Variants in ZMAT4 observed in about 807,000 individuals in gnomAD.
ZMAT4 encodes zinc finger matrin-type 4.
In ZMAT4, 17 loss-of-function variants were observed where a neutral mutation model predicts 28.7. That is an observed-to-expected ratio of 0.59 (90% CI 0.41 to 0.89). The LOEUF (loss-of-function observed/expected upper bound fraction) is 0.89. Ranked by LOEUF, ZMAT4 falls within the 40% of genes least tolerant of loss-of-function variation. The pLI, the probability that ZMAT4 is intolerant of heterozygous loss-of-function variation, is 0.00. For synonymous variants in ZMAT4, 117 were observed against 109.2 expected, an observed-to-expected ratio of 1.07 and a Z score of -0.44; for missense variants, 240 against 283.8, an observed-to-expected ratio of 0.85 and a Z score of 1.11.
chr8:40,560,564 G>A (rs1803703553), intron 6 of ZMAT4, among the ~76,000 whole-genome samples: 1 of 151,870 alleles, frequency 6.6e-6, no homozygotes, highest in African/African-American at 2.4e-5. Flanking sequence ...GGAGTCACTT[G>A]TGTCTTGTGT....
intron 5 of ZMAT4, among the ~76,000 whole-genome samples, chr8:40,643,349 C>T (rs1807139457): frequency 1.3e-5 from 2 of 152,312 alleles, no homozygotes; most frequent in South Asian, 4.1e-4. Flanking sequence ...CTGAAGCATG[C>T]TTTGCCTACA....
chr8:40,698,806 T>C (rs1163385574), intron 3 of ZMAT4, among the ~76,000 whole-genome samples: 15 of 152,082 alleles, frequency 9.9e-5, no homozygotes, highest in Admixed American at 9.8e-4. Context: ...AGCAGGAGGC[T>C]TGCCTGAAGT....
Position 40,800,946 on chromosome 8 carries a change from G to A in ZMAT4, c.102+24629C>T, listed in dbSNP as rs116483883. Among the ~76,000 whole-genome samples, 1,027 of 151,836 alleles carry A rather than the reference G, an allele frequency of 6.8e-3. 15 individuals are homozygous for A. Among genetic ancestry groups the A allele is most frequent in the African/African-American group, 0.023 (959 of 41,444 alleles). ...TATCACAACCAAATGCTCATTCTTCGAAAACATGAATAAAATCAATAAGCC... is the reference window on the plus strand; with the variant it reads ...TATCACAACCAAATGCTCATTCTTCAAAAACATGAATAAAATCAATAAGCC... On this transcript the variant is annotated intron_variant, in intron 2 of 6. Transcript: ENST00000297737.
intron 3 of ZMAT4, among the ~76,000 whole-genome samples, chr8:40,761,174 CA>C (rs1291003921): frequency 6.6e-6 from 1 of 152,048 alleles, no homozygotes; most frequent in East Asian, 1.9e-4. Context: ...CTATCTTGGC[CA>C]AATGTGTGTA....
chr8:40,892,272 T>TGCTCCCATGTCTCTCTTCTCATC (rs1008667844), intron 1 of ZMAT4, among the ~76,000 whole-genome samples: 1 of 152,200 alleles, frequency 6.6e-6, no homozygotes, highest in Non-Finnish European at 1.5e-5. Context: ...AGTATCTCAT[T>TGCTCCCATGTCTCTCTTCTCATC]GCTCCCATGT....
At chr8:40,552,866 T>C (rs1337279638) in intron 6 of ZMAT4, among the ~76,000 whole-genome samples, 1 of 152,158 alleles carries the variant, frequency 6.6e-6, no homozygotes, top group Non-Finnish European at 1.5e-5. Flanking sequence ...CCACCTCCCG[T>C]CGCTGTGGCT....
At chr8:40,644,753 G>A (rs1160878505) in intron 5 of ZMAT4, among the ~76,000 whole-genome samples, 1 of 152,086 alleles carries the variant, frequency 6.6e-6, no homozygotes, top group African/African-American at 2.4e-5. Flanking sequence ...ATGATCAACA[G>A]CCAGGTGACC....
chr8:40,715,965 A>G (rs1810836109), intron 3 of ZMAT4, among the ~76,000 whole-genome samples: 1 of 152,236 alleles, frequency 6.6e-6, no homozygotes, highest in Non-Finnish European at 1.5e-5. Context: ...TGGTTTTATA[A>G]CTTTATCACC....
intron 5 of ZMAT4, among the ~76,000 whole-genome samples, chr8:40,624,948 A>G (rs1585775507): frequency 6.6e-6 from 1 of 152,322 alleles, no homozygotes; most frequent in East Asian, 1.9e-4. Context: ...ATACTGGATA[A>G]TTTCAAATAA....
chr8:40,583,418 C>T (rs951156641), intron 5 of ZMAT4, among the ~76,000 whole-genome samples: 16 of 152,074 alleles, frequency 1.1e-4, no homozygotes, highest in African/African-American at 3.6e-4. Context: ...AAAGGGCTGC[C>T]TGAAGTTGAG....
chr8:40,577,237 T>C (rs2118530077), intron 6 of ZMAT4, among the ~76,000 whole-genome samples: 1 of 152,246 alleles, frequency 6.6e-6, no homozygotes, highest in South Asian at 2.1e-4. Context: ...ATTTCTGTTG[T>C]AGCAGTATTC....
intron 2 of ZMAT4, among the ~76,000 whole-genome samples, chr8:40,781,145 A>C (rs1200149589): frequency 6.6e-6 from 1 of 152,246 alleles, no homozygotes; most frequent in Non-Finnish European, 1.5e-5. Context: ...GATCCACCAA[A>C]AATTACAATT....
intron 5 of ZMAT4, among the ~76,000 whole-genome samples, chr8:40,631,420 G>C (rs1294354406): frequency 2.6e-5 from 4 of 152,134 alleles, no homozygotes; most frequent in Non-Finnish European, 4.4e-5. Flanking sequence ...GGCCTCCCAA[G>C]GTGCTGGGAT....
intron 5 of ZMAT4, among the ~76,000 whole-genome samples, chr8:40,609,542 A>G (rs1585753180): frequency 6.6e-6 from 1 of 152,284 alleles, no homozygotes; most frequent in East Asian, 1.9e-4. Flanking sequence ...CTCCCTTTCA[A>G]TAAGAATTTA....
chr8:40,550,971 A>G (rs1803352097), intron 6 of ZMAT4, among the ~76,000 whole-genome samples: 1 of 152,144 alleles, frequency 6.6e-6, no homozygotes, highest in Admixed American at 6.5e-5. Flanking sequence ...TAACAGAACC[A>G]CTAATATTAG....
intron 3 of ZMAT4, among the ~76,000 whole-genome samples, chr8:40,734,491 G>T (rs1194365014): frequency 6.6e-6 from 1 of 152,228 alleles, no homozygotes; most frequent in Non-Finnish European, 1.5e-5. Flanking sequence ...TGAAGAGACT[G>T]CCCTGTGCCC....
intron 1 of ZMAT4, among the ~76,000 whole-genome samples, chr8:40,895,622 G>A (rs914340934): frequency 5.9e-5 from 9 of 151,402 alleles, no homozygotes; most frequent in Admixed American, 2.0e-4. Context: ...GGCCCCCTCC[G>A]CCCCCTCCCC....
intron 1 of ZMAT4, among the ~76,000 whole-genome samples, chr8:40,881,455 GA>G (rs1217190126): frequency 3.0e-5 from 4 of 133,210 alleles, no homozygotes; most frequent in African/African-American, 1.2e-4. Flanking sequence ...AAGAAAGAAA[GA>G]AAGAAAGAAA....
At chr8:40,569,665 T>C (rs939982109) in intron 6 of ZMAT4, among the ~76,000 whole-genome samples, 15 of 152,160 alleles carry the variant, frequency 9.9e-5, no homozygotes, top group Non-Finnish European at 2.1e-4. Flanking sequence ...TTCTTCACTT[T>C]CTCCCTGTAA....
Sources: allele counts gnomAD v4.1 joint callset (sites outside exome capture counted in the v4.1 genomes callset), GRCh38; gene constraint gnomAD v4.1.1; transcripts MANE v1.5; gene names NCBI Gene and HGNC (gene_info 2026-07-23, HGNC 2026-07-21).